The following ROBO2 variants were observed in gnomAD, a reference collection of about 807,000 sequenced individuals.
ROBO2 encodes roundabout guidance receptor 2.
A neutral mutation model predicts 160.8 loss-of-function variants in ROBO2; 53 were observed. The observed-to-expected ratio is 0.33, with a 90% CI of 0.26 to 0.41. ROBO2 has a LOEUF of 0.41. ROBO2 is among the 10% of genes least tolerant of loss of function. ROBO2 has a pLI of 1.00. For synonymous variants in ROBO2, 664 were observed against 611.7 expected, an observed-to-expected ratio of 1.09 and a Z score of -1.26; for missense variants, 1,577 against 1,722.4, an observed-to-expected ratio of 0.92 and a Z score of 1.49.
intron 2 of ROBO2, among the ~76,000 whole-genome samples, chr3:77,276,990 C>A (rs1032211279): frequency 2.6e-5 from 4 of 152,096 alleles, no homozygotes; most frequent in Non-Finnish European, 5.9e-5. Context: ...TGGCCCTGCC[C>A]TTGACTCATG....
intron 2 of ROBO2, among the ~76,000 whole-genome samples, chr3:76,749,859 A>T (rs1176855084): frequency 2.0e-5 from 3 of 152,102 alleles, no homozygotes; most frequent in Non-Finnish European, 4.4e-5. Context: ...GCTGAATTCT[A>T]CCAGAGGTGC....
At chr3:77,499,838 G>A (rs1428453736) in intron 5 of ROBO2, among the ~76,000 whole-genome samples, 1 of 151,822 alleles carries the variant, frequency 6.6e-6, no homozygotes, top group East Asian at 1.9e-4. Context: ...TGGTAGAAAC[G>A]GGATTTCACC....
intron 2 of ROBO2, among the ~76,000 whole-genome samples, chr3:76,121,908 A>G (rs532268332): frequency 6.6e-6 from 1 of 152,264 alleles, no homozygotes; most frequent in South Asian, 2.1e-4. Flanking sequence ...TTTTTACTTG[A>G]CTATTTAGAT....
At chr3:76,407,423 A>G (rs7630091) in intron 2 of ROBO2, among the ~76,000 whole-genome samples, 105,930 of 151,814 alleles carry the variant, frequency 0.7, 37,346 homozygotes, top group African/African-American at 0.8. Flanking sequence ...TAATTAAGTC[A>G]CCAGTGCCCA....
At chr3:76,356,484 T>C (rs1191882022) in intron 2 of ROBO2, among the ~76,000 whole-genome samples, 1 of 151,616 alleles carries the variant, frequency 6.6e-6, no homozygotes, top group Non-Finnish European at 1.5e-5. Flanking sequence ...AGCTATATCA[T>C]ACAAAAGTAT....
chr3:76,885,556 G>A lies in ROBO2; in HGVS notation c.110-212458G>A, dbSNP rs114993047. ...TGAAACTATTCCAGGATGTGTGTTA[G>A]CTAAAAATACCAATGTTCACACACG... On this transcript the variant is annotated intron_variant, in intron 2 of 26. Transcript: ENST00000487694. Among the ~76,000 whole-genome samples, 1,028 of 152,172 alleles carry A rather than the reference G, an allele frequency of 6.8e-3. 9 individuals are homozygous for A. Among genetic ancestry groups the A allele is most frequent in the African/African-American group, 0.023 (937 of 41,504 alleles).
Position 77,295,505 on chromosome 3 carries a change from A to G in ROBO2, c.389-181909A>G, listed in dbSNP as rs188584514. On this transcript the variant is annotated intron_variant, in intron 2 of 25. Coordinates refer to ENST00000461745, the Ensembl canonical transcript of ROBO2. ...AAGCTGAGGCTAGATCACCCCAGAC[A>G]TAAAGTAAATTGACGGTTAAATGGG... Among the ~76,000 whole-genome samples, 359 of 150,568 alleles carry G rather than the reference A, an allele frequency of 2.4e-3. 3 individuals are homozygous for G. The highest frequency in any genetic ancestry group is 8.4e-3 in the African/African-American group (340 of 40,706).
At chr3:76,434,676 G>T in intron 2 of ROBO2, 1 of 1,156,292 alleles carries the variant, frequency 8.6e-7, no homozygotes, top group Non-Finnish European at 1.3e-6. Flanking sequence ...CCCTCTGCTG[G>T]ATCAGGTCCT....
intron 2 of ROBO2, among the ~76,000 whole-genome samples, chr3:77,323,628 A>G (rs2065048020): frequency 6.6e-6 from 1 of 152,152 alleles, no homozygotes; most frequent in Admixed American, 6.6e-5. Context: ...AATGTTTGCA[A>G]TACTGATAAC....
At chr3:77,218,343 C>G (rs2085254059) in intron 2 of ROBO2, among the ~76,000 whole-genome samples, 3 of 151,654 alleles carry the variant, frequency 2.0e-5, no homozygotes, top group South Asian at 4.2e-4. Flanking sequence ...TTGTTTAATT[C>G]CTACCATCCT....
intron 2 of ROBO2, among the ~76,000 whole-genome samples, chr3:75,963,397 A>G (rs193144286): frequency 5.7e-4 from 87 of 151,824 alleles, no homozygotes; most frequent in African/African-American, 2.0e-3. Context: ...AGCTTTCATT[A>G]TGTTGCTCTG....
In ROBO2 at chr3:76,683,351, A is replaced by ATT. The variant is rs548531186; in HGVS notation, c.110-414654_110-414653dup. 2.7e-3 allele frequency among the ~76,000 whole-genome samples: 401 copies of ATT among 146,184 alleles called. 3 individuals carry two copies. Among genetic ancestry groups the ATT allele is most frequent in the African/African-American group, 9.6e-3 (383 of 39,772 alleles). ...GACTGCTTGGATTTTATAGCTGCTGATTTTTTTTTTATAGATGGTAATCTG... is the reference window on the plus strand; with the variant it reads ...GACTGCTTGGATTTTATAGCTGCTGATTTTTTTTTTTTATAGATGGTAATCTG... On this transcript the variant is annotated intron_variant, in intron 2 of 26. Coordinates refer to the ROBO2 transcript ENST00000487694.
intron 2 of ROBO2, among the ~76,000 whole-genome samples, chr3:76,977,614 A>G (rs141842565): frequency 2.6e-5 from 4 of 152,278 alleles, no homozygotes; most frequent in African/African-American, 9.6e-5. Context: ...AAGTCATGCA[A>G]CTAACCTCAT....
chr3:77,567,976 C>G (rs1174706700), intron 12 of ROBO2, among the ~76,000 whole-genome samples: 1 of 152,034 alleles, frequency 6.6e-6, no homozygotes, highest in African/African-American at 2.4e-5. Flanking sequence ...AGAGATCTTT[C>G]TAGACTTCTG....
intron 2 of ROBO2, among the ~76,000 whole-genome samples, chr3:77,269,420 T>C (rs1022125006): frequency 2.0e-5 from 3 of 152,184 alleles, no homozygotes; most frequent in African/African-American, 7.2e-5. Flanking sequence ...ACATAAATCC[T>C]TTAGGCTTTG....
At chr3:77,104,781 TTA>T (rs1229396763) in intron 2 of ROBO2, among the ~76,000 whole-genome samples, 1 of 152,146 alleles carries the variant, frequency 6.6e-6, no homozygotes, top group Non-Finnish European at 1.5e-5. Context: ...TATGTGACTG[TTA>T]TGTTAGATTT....
intron 2 of ROBO2, 70 bp from the exon 3 acceptor site, chr3:77,477,344 T>C: frequency 6.6e-7 from 1 of 1,506,076 alleles, no homozygotes; most frequent in Non-Finnish European, 9.2e-7. Context: ...AGACTTGAAG[T>C]TACCTTGTAC....
intron 2 of ROBO2, among the ~76,000 whole-genome samples, chr3:76,118,487 T>C (rs529022918): frequency 6.6e-6 from 1 of 152,276 alleles, no homozygotes; most frequent in African/African-American, 2.4e-5. Flanking sequence ...GGAGGGTTGA[T>C]TAACATATGA....
At chr3:76,127,799 T>C (rs1357405463) in intron 2 of ROBO2, among the ~76,000 whole-genome samples, 1 of 151,722 alleles carries the variant, frequency 6.6e-6, no homozygotes, top group Non-Finnish European at 1.5e-5. Context: ...AAACCTGTTT[T>C]ACAAAATATC....
Sources: gnomAD v4.1 joint callset for allele counts (sites outside exome capture counted in the v4.1 genomes callset) on GRCh38, gnomAD v4.1.1 for gene constraint, MANE v1.5 for transcripts, NCBI Gene and HGNC (gene_info 2026-07-23, HGNC 2026-07-21) for gene names.